Variants in SDCCAG8 observed in about 807,000 individuals in gnomAD.
SDCCAG8 encodes the protein SHH signaling and ciliogenesis regulator SDCCAG8.
In SDCCAG8, 74 loss-of-function variants were observed where a neutral mutation model predicts 101.8. The ratio of observed to expected loss-of-function variants is 0.73; its 90% CI spans 0.60 to 0.88. The LOEUF is 0.88. SDCCAG8 is among the 40% of genes least tolerant of loss of function. The pLI, the probability that SDCCAG8 is intolerant of heterozygous loss-of-function variation, is 0.00. For missense variants in SDCCAG8, 787 were observed against 822.6 expected, an observed-to-expected ratio of 0.96 and a Z score of 0.53; for synonymous variants, 281 against 292.9, an observed-to-expected ratio of 0.96 and a Z score of 0.41.
chr1:243,495,638 C>T (rs1365089993), intron 17 of SDCCAG8, among the ~76,000 whole-genome samples: 6 of 152,212 alleles, frequency 3.9e-5, no homozygotes, highest in African/African-American at 1.2e-4. Flanking sequence ...AGCAGGGCCG[C>T]AGGGGCCTGA....
chr1:243,284,191 C>T (rs940122025), intron 4 of SDCCAG8, among the ~76,000 whole-genome samples: 18 of 152,114 alleles, frequency 1.2e-4, no homozygotes, highest in Admixed American at 4.6e-4. Context: ...CTGGACATGA[C>T]ATATTTGGTA....
intron 12 of SDCCAG8, 65 bp from the exon 13 acceptor site, chr1:243,378,656 A>G: frequency 1.3e-6 from 2 of 1,532,360 alleles, no homozygotes; most frequent in Non-Finnish European, 1.8e-6. Flanking sequence ...AATAAAAATG[A>G]GCTAATTTTG....
chr1:243,374,705 G>A (rs975881752), intron 12 of SDCCAG8, among the ~76,000 whole-genome samples: 5 of 151,736 alleles, frequency 3.3e-5, no homozygotes, highest in African/African-American at 4.8e-5. Flanking sequence ...ATTGTACTTC[G>A]ACCAAAAAAG....
chr1:243,483,707 ACTCCGCCCTGACCCCT>A (rs1268743230), intron 16 of SDCCAG8, among the ~76,000 whole-genome samples: 1 of 150,346 alleles, frequency 6.7e-6, no homozygotes, highest in Non-Finnish European at 1.5e-5. Context: ...CAAACCGGCC[ACTCCGCCCTGACCCCT>A]CTCCTCCCTG....
intron 12 of SDCCAG8, among the ~76,000 whole-genome samples, chr1:243,355,911 G>T (rs1293153770): frequency 6.6e-6 from 1 of 152,134 alleles, no homozygotes; most frequent in Non-Finnish European, 1.5e-5. Context: ...CACCTGGTGT[G>T]GATTCTTCTT....
chr1:243,374,783 G>C (rs2147893534), intron 12 of SDCCAG8, among the ~76,000 whole-genome samples: 1 of 152,162 alleles, frequency 6.6e-6, no homozygotes, highest in South Asian at 2.1e-4. Flanking sequence ...GCATAGGGAA[G>C]GCTTGACAGA....
chr1:243,353,296 GC>G (rs2076186465), intron 12 of SDCCAG8, among the ~76,000 whole-genome samples: 1 of 151,662 alleles, frequency 6.6e-6, no homozygotes, highest in African/African-American at 2.4e-5. Flanking sequence ...TTCGAGGCCA[GC>G]CTGGCCAACG....
chr1:243,445,853 G>T (rs1558479831), intron 16 of SDCCAG8, among the ~76,000 whole-genome samples: 1 of 152,180 alleles, frequency 6.6e-6, no homozygotes, highest in Non-Finnish European at 1.5e-5. Context: ...TTTGTTGAAT[G>T]CTTCTAAATC....
chr1:243,488,785 G>C (rs924106165), intron 16 of SDCCAG8, among the ~76,000 whole-genome samples: 6 of 152,062 alleles, frequency 3.9e-5, no homozygotes, highest in Non-Finnish European at 4.4e-5. Flanking sequence ...TTTTCTAATT[G>C]ATAGTGTACT....
At position 243,330,550 on chromosome 1, in the gene SDCCAG8, A is replaced by C. The variant is rs1281285070; in HGVS notation, c.1079A>C (p.Gln360Pro). Reference sequence around the variant, plus strand: ...GTTCTATCCTGGCAGGCTTTAATCCAGTGTGACCAGTTGAGGAAGGAGCTG... The same window carrying C: ...GTTCTATCCTGGCAGGCTTTAATCCCGTGTGACCAGTTGAGGAAGGAGCTG... ...ANFEKTKALI[Q>P]CDQLRKELER... Residue 360 changes from glutamine to proline, a missense_variant, in exon 10 of 18, where the codon CAG (glutamine) becomes CCG (proline). Coordinates refer to ENST00000366541, the MANE Select transcript of SDCCAG8 (RefSeq NM_006642.5). The C allele has an allele frequency of 6.2e-6, 10 of 1,614,090 alleles. No homozygotes were observed. Among genetic ancestry groups the C allele is most frequent in the Non-Finnish European group, 8.5e-6 (10 of 1,179,976 alleles).
intron 16 of SDCCAG8, among the ~76,000 whole-genome samples, chr1:243,485,054 A>AG (rs1553378505): frequency 6.7e-6 from 1 of 149,582 alleles, no homozygotes; most frequent in East Asian, 2.0e-4. Context: ...AAAAAAAAAA[A>AG]AAGAAGAAGA....
intron 16 of SDCCAG8, among the ~76,000 whole-genome samples, chr1:243,434,261 A>G (rs2081991106): frequency 6.6e-6 from 1 of 152,244 alleles, no homozygotes; most frequent in African/African-American, 2.4e-5. Flanking sequence ...CTTTTGCTAA[A>G]GCAGATATAT....
chr1:243,464,453 T>C (rs1449646407), intron 16 of SDCCAG8, among the ~76,000 whole-genome samples: 1 of 152,230 alleles, frequency 6.6e-6, no homozygotes, highest in Non-Finnish European at 1.5e-5. Flanking sequence ...TCTGTAACTA[T>C]ACTTAATATT....
intron 13 of SDCCAG8, among the ~76,000 whole-genome samples, chr1:243,381,597 A>T (rs1193466118): frequency 6.6e-6 from 1 of 152,180 alleles, no homozygotes; most frequent in Admixed American, 6.5e-5. Context: ...TCTAAAAAAA[A>T]AAAATGGAAA....
At chr1:243,307,954 G>A in intron 7 of SDCCAG8, 35 bp from the exon 8 acceptor site, 4 of 1,610,254 alleles carry the variant, frequency 2.5e-6, no homozygotes, top group Non-Finnish European at 3.4e-6. Flanking sequence ...AATTTTACCT[G>A]GCCATTTTCT....
At chr1:243,387,036 A>T (rs2078348908) in intron 13 of SDCCAG8, among the ~76,000 whole-genome samples, 6 of 152,232 alleles carry the variant, frequency 3.9e-5, no homozygotes, top group Admixed American at 3.9e-4. Flanking sequence ...ATGTCCAAAT[A>T]TCTGTAAAGA....
chr1:243,272,037 C>T (rs1398277074), intron 3 of SDCCAG8, among the ~76,000 whole-genome samples: 2 of 152,076 alleles, frequency 1.3e-5, no homozygotes, highest in African/African-American at 4.8e-5. Context: ...CACTCTGGAC[C>T]AGATTTAAGT....
intron 13 of SDCCAG8, among the ~76,000 whole-genome samples, chr1:243,390,363 A>C (rs1336330517): frequency 1.3e-5 from 2 of 152,128 alleles, no homozygotes; most frequent in East Asian, 3.8e-4. Flanking sequence ...TCCTTCCCCC[A>C]CCCAGTATCA....
At chr1:243,434,104 T>G (rs1163459718) in intron 16 of SDCCAG8, among the ~76,000 whole-genome samples, 1 of 152,268 alleles carries the variant, frequency 6.6e-6, no homozygotes, top group Non-Finnish European at 1.5e-5. Context: ...TTTAGCTTCA[T>G]CACAATAATT....
Sources: gnomAD v4.1 joint callset for allele counts (sites outside exome capture counted in the v4.1 genomes callset) on GRCh38, gnomAD v4.1.1 for gene constraint, MANE v1.5 for transcripts, NCBI Gene and HGNC (gene_info 2026-07-23, HGNC 2026-07-21) for gene names.